NAV3: variants seen among roughly 807,000 people sequenced by gnomAD.
NAV3 encodes neuron navigator 3.
NAV3 carries 87 observed loss-of-function variants against 244.7 expected under a neutral mutation model. That is an observed-to-expected ratio of 0.36 (90% confidence interval 0.30 to 0.42). NAV3 has a LOEUF of 0.42. Among genes scored for constraint, NAV3 ranks in the 20% least tolerant of loss-of-function variants. The pLI is 1.00. For synonymous variants in NAV3, 1,126 were observed against 1,042.2 expected, an observed-to-expected ratio of 1.08 and a Z score of -1.55; for missense variants, 2,663 against 2,893.3, an observed-to-expected ratio of 0.92 and a Z score of 1.83.
chr12:77,963,033 C>T (rs531205453), intron 3 of NAV3, among the ~76,000 whole-genome samples: 35 of 151,726 alleles, frequency 2.3e-4, no homozygotes, highest in South Asian at 1.3e-3. Context: ...GTTTGATATC[C>T]GATTCAAATA....
At chr12:77,921,018 A>T (rs1193284260) in intron 1 of NAV3, among the ~76,000 whole-genome samples, 1 of 152,070 alleles carries the variant, frequency 6.6e-6, no homozygotes, top group Non-Finnish European at 1.5e-5. Flanking sequence ...TAACAATCTC[A>T]TCATAAGAAA....
At chr12:78,150,630 C>G (rs1368629146) in intron 22 of NAV3, among the ~76,000 whole-genome samples, 1 of 50,506 alleles carries the variant, frequency 2.0e-5, no homozygotes, top group African/African-American at 7.5e-5. Flanking sequence ...CAAAAGCTTC[C>G]TCACACACAC....
chr12:77,940,814 T>C (rs1468315101), intron 2 of NAV3, among the ~76,000 whole-genome samples: 1 of 152,110 alleles, frequency 6.6e-6, no homozygotes, highest in Non-Finnish European at 1.5e-5. Flanking sequence ...TTGTGAAAGG[T>C]TTCATGTCAG....
At chr12:77,634,796 C>G (rs557200031) in intron 2 of NAV3, among the ~76,000 whole-genome samples, 66 of 151,716 alleles carry the variant, frequency 4.4e-4, no homozygotes, top group Admixed American at 7.2e-4. Context: ...ATCTATATGA[C>G]TGATAAATTT....
At chr12:77,574,256 C>T (rs541043127) in intron 2 of NAV3, among the ~76,000 whole-genome samples, 97 of 152,132 alleles carry the variant, frequency 6.4e-4, no homozygotes, top group Admixed American at 1.6e-3. Flanking sequence ...AAAAAGTAGC[C>T]TTGATATGTA....
intron 2 of NAV3, among the ~76,000 whole-genome samples, chr12:77,749,845 A>C (rs1036985999): frequency 6.6e-6 from 1 of 152,180 alleles, no homozygotes; most frequent in Non-Finnish European, 1.5e-5. Context: ...GAGGCTGACC[A>C]GGTGTTTTCT....
At chr12:77,766,760 T>TTTTTTTTTG in intron 2 of NAV3, among the ~76,000 whole-genome samples, 1 of 56,574 alleles carries the variant, frequency 1.8e-5, no homozygotes, top group Non-Finnish European at 3.6e-5. Flanking sequence ...TTTTTTTTTT[T>TTTTTTTTTG]TTTTTTTTTT....
At chr12:77,873,774 A>ATAT (rs1881434399) in intron 1 of NAV3, among the ~76,000 whole-genome samples, 8 of 123,172 alleles carry the variant, frequency 6.5e-5, no homozygotes, top group Admixed American at 1.6e-4. Context: ...ATATGTATAT[A>ATAT]ACAGCATATG....
At chr12:77,778,099 G>T (rs991494543) in intron 2 of NAV3, among the ~76,000 whole-genome samples, 13 of 150,128 alleles carry the variant, frequency 8.7e-5, no homozygotes, top group Middle Eastern at 3.4e-3. Flanking sequence ...TGGCAAAATT[G>T]TAAGTTTCCT....
At chr12:77,589,975 A>C (rs981657989) in intron 2 of NAV3, among the ~76,000 whole-genome samples, 3 of 152,230 alleles carry the variant, frequency 2.0e-5, no homozygotes, top group African/African-American at 7.2e-5. Context: ...TTTTTTGAGA[A>C]CATTAAGAGA....
intron 5 of NAV3, among the ~76,000 whole-genome samples, chr12:77,985,555 C>T (rs993806818): frequency 1.3e-4 from 19 of 150,548 alleles, no homozygotes; most frequent in South Asian, 4.2e-4. Flanking sequence ...CCCAGGGTTT[C>T]TATTTCTTTC....
At chr12:78,098,956 T>G (rs1006061764) in intron 12 of NAV3, among the ~76,000 whole-genome samples, 5 of 31,040 alleles carry the variant, frequency 1.6e-4, no homozygotes, top group South Asian at 5.7e-4. Context: ...GTATCCAGGG[T>G]TTTTTTTTTT....
intron 38 of NAV3, 134 bp from the exon 39 acceptor site, chr12:78,204,801 A>G (rs941479578): frequency 5.6e-6 from 4 of 717,398 alleles, no homozygotes; most frequent in South Asian, 1.9e-5. Context: ...GCAAAACTGT[A>G]TACAGATACT....
rs763957801 is a variant in NAV3 at position 78,122,394 on chromosome 12, A to C, written c.4204A>C (p.Arg1402=). The C allele has an allele frequency of 1.2e-6, 2 of 1,610,936 alleles. No homozygotes were observed. The highest frequency in any genetic ancestry group is 1.7e-6 in the Non-Finnish European group (2 of 1,178,966). The part of the protein sequence containing the change: ...GTHEVQSLLM[R]TGSVRSTLSE... ...TCACGAGGTCCAGAGCCTGCTCATG[A>C]GAACGGGTAGTGTGAGATCTACTCT... Residue 1402 remains arginine (R), a synonymous_variant, in exon 16 of 40, where the codon AGA becomes CGA. Coordinates refer to ENST00000397909, the MANE Select transcript of NAV3 (RefSeq NM_001024383.2).
intron 34 of NAV3, among the ~76,000 whole-genome samples, chr12:78,193,218 A>G (rs1959058967): frequency 6.6e-6 from 1 of 152,204 alleles, no homozygotes; most frequent in East Asian, 1.9e-4. Context: ...TGCACTTTAC[A>G]TTCTGTTCCT....
At chr12:77,799,110 G>C (rs112792202) in intron 2 of NAV3, among the ~76,000 whole-genome samples, 1 of 152,150 alleles carries the variant, frequency 6.6e-6, no homozygotes, top group Admixed American at 6.5e-5. Flanking sequence ...AACCTGAGCC[G>C]CAAGAGAGAG....
chr12:77,803,757 GT>G (rs796379538), intron 2 of NAV3, among the ~76,000 whole-genome samples: 21 of 152,238 alleles, frequency 1.4e-4, no homozygotes, highest in African/African-American at 4.6e-4. Context: ...GTGTAAAAGC[GT>G]TTATATTTCT....
chr12:77,887,716 TAG>T (rs1323469386), intron 1 of NAV3, among the ~76,000 whole-genome samples: 6 of 152,168 alleles, frequency 3.9e-5, no homozygotes. Flanking sequence ...GAAATATTTT[TAG>T]AGTTTTAAAC....
chr12:78,143,531 T>A, intron 20 of NAV3: 1 of 278,228 alleles, frequency 3.6e-6, no homozygotes. Context: ...TTTGGGAGGC[T>A]GAGGCAGGAG....
Sources: gnomAD v4.1 joint callset for allele counts (sites outside exome capture counted in the v4.1 genomes callset) on GRCh38, gnomAD v4.1.1 for gene constraint, MANE v1.5 for transcripts, NCBI Gene and HGNC (gene_info 2026-07-23, HGNC 2026-07-21) for gene names.